The following KCNMA1 variants were observed in gnomAD, a reference collection of about 807,000 sequenced individuals.
KCNMA1 encodes potassium calcium-activated channel subfamily M alpha 1.
In KCNMA1, 29 loss-of-function variants were observed where a neutral mutation model predicts 140.0. The observed-to-expected ratio is 0.21, with a 90% CI of 0.15 to 0.28. The LOEUF is 0.28. KCNMA1 is among the 10% of genes least tolerant of loss of function. The pLI is 1.00. For missense variants in KCNMA1, 880 were observed against 1,602.2 expected, an observed-to-expected ratio of 0.55 and a Z score of 7.70; for synonymous variants, 612 against 611.9, an observed-to-expected ratio of 1.00 and a Z score of 0.00.
intron 1 of KCNMA1, among the ~76,000 whole-genome samples, chr10:77,461,849 T>G (rs919165301): frequency 1.3e-5 from 2 of 152,170 alleles, no homozygotes; most frequent in African/African-American, 4.8e-5. Context: ...CTCACAGATC[T>G]TCCCCAGGGG....
intron 2 of KCNMA1, among the ~76,000 whole-genome samples, chr10:77,293,699 C>G (rs2074072278): frequency 6.6e-6 from 1 of 152,246 alleles, no homozygotes; most frequent in South Asian, 2.1e-4. Flanking sequence ...CTCTGCTTTC[C>G]AGCTCTTTCT....
chr10:77,384,755 A>G (rs2095543277), intron 2 of KCNMA1, among the ~76,000 whole-genome samples: 1 of 152,238 alleles, frequency 6.6e-6, no homozygotes, highest in Admixed American at 6.5e-5. Flanking sequence ...TACCTGCCCA[A>G]GCTGACTTAC....
chr10:77,193,040 T>C (rs971757005), intron 3 of KCNMA1, among the ~76,000 whole-genome samples: 2 of 144,876 alleles, frequency 1.4e-5, no homozygotes, highest in African/African-American at 2.5e-5. Flanking sequence ...TTATTCTCCT[T>C]TTTTCCTAGT....
intron 2 of KCNMA1, among the ~76,000 whole-genome samples, chr10:77,378,118 CTGTG>C (rs1024578456): frequency 5.3e-5 from 8 of 152,202 alleles, no homozygotes; most frequent in African/African-American, 1.7e-4. Flanking sequence ...TGAAAATGCT[CTGTG>C]TGCTCATTCA....
chr10:77,404,889 T>A (rs1299663214), intron 1 of KCNMA1, among the ~76,000 whole-genome samples: 1 of 147,664 alleles, frequency 6.8e-6, no homozygotes, highest in African/African-American at 2.6e-5. Flanking sequence ...CAGGAAAGAA[T>A]AGGAAAAGTC....
chr10:77,290,300 T>G (rs1017333837), intron 2 of KCNMA1, among the ~76,000 whole-genome samples: 8 of 152,192 alleles, frequency 5.3e-5, no homozygotes, highest in Non-Finnish European at 1.2e-4. Context: ...TAAATGGAAA[T>G]AGTTGCAGTG....
rs533820297 is a variant in KCNMA1, at chr10:77,318,792, G to T, written c.541-67536C>A. On this transcript the variant is annotated intron_variant, in intron 2 of 27. Transcript: ENST00000286628. ...AGCACAGGTGAGAAGAGTTGAGGAA[G>T]GTTTTTGTATCCTACTCTGAGAGCA... Among the ~76,000 whole-genome samples the T allele has an allele frequency of 1.4e-4, 22 of 152,246 alleles. No individual in the cohort carries two copies. The South Asian group carries it at 4.6e-3, about 32-fold the overall frequency.
intron 1 of KCNMA1, among the ~76,000 whole-genome samples, chr10:77,425,227 G>T (rs138656625): frequency 6.6e-6 from 1 of 152,148 alleles, no homozygotes; most frequent in Non-Finnish European, 1.5e-5. Context: ...ACATTGCCCC[G>T]ATTTATTTAA....
At chr10:77,039,752 C>T (rs945447379) in intron 14 of KCNMA1, 115 bp from the exon 15 acceptor site, 10 of 721,750 alleles carry the variant, frequency 1.4e-5, no homozygotes, top group African/African-American at 8.7e-5. Flanking sequence ...TAATGGTGAC[C>T]TTTTCAGCAA....
At chr10:77,034,606 G>T (rs753057644) in intron 15 of KCNMA1, among the ~76,000 whole-genome samples, 1 of 152,210 alleles carries the variant, frequency 6.6e-6, no homozygotes, top group Non-Finnish European at 1.5e-5. Context: ...AGGGAAAAGA[G>T]AATCCCCCTG....
At chr10:77,602,362 A>G (rs2082929246) in intron 1 of KCNMA1, among the ~76,000 whole-genome samples, 2 of 152,186 alleles carry the variant, frequency 1.3e-5, no homozygotes, top group South Asian at 4.1e-4. Flanking sequence ...GCAAATCCGT[A>G]CAGACAGACA....
chr10:76,963,597 C>T (rs777353250), intron 20 of KCNMA1, among the ~76,000 whole-genome samples: 8 of 152,128 alleles, frequency 5.3e-5, no homozygotes, highest in Non-Finnish European at 1.2e-4. Context: ...GCCTCACATT[C>T]TGGGTGCCTA....
At chr10:77,557,336 A>C (rs1454173247) in intron 1 of KCNMA1, among the ~76,000 whole-genome samples, 1 of 152,214 alleles carries the variant, frequency 6.6e-6, no homozygotes, top group East Asian at 1.9e-4. Flanking sequence ...AGCTTCTCCT[A>C]TCCAGGGCGT....
At chr10:77,526,869 T>C (rs1325165884) in intron 1 of KCNMA1, among the ~76,000 whole-genome samples, 2 of 151,816 alleles carry the variant, frequency 1.3e-5, no homozygotes, top group Non-Finnish European at 2.9e-5. Context: ...ATCCTCCCTC[T>C]CCATATCTCC....
At chr10:77,192,007 T>C (rs997867946) in intron 3 of KCNMA1, among the ~76,000 whole-genome samples, 1 of 152,028 alleles carries the variant, frequency 6.6e-6, no homozygotes, top group Non-Finnish European at 1.5e-5. Context: ...TACCGGAAAG[T>C]AGTATAAAAA....
intron 20 of KCNMA1, among the ~76,000 whole-genome samples, chr10:76,956,122 C>T (rs542162338): frequency 6.6e-6 from 1 of 152,278 alleles, no homozygotes; most frequent in South Asian, 2.1e-4. Context: ...AGAGGAGATA[C>T]ATTTTGGTTT....
intron 2 of KCNMA1, among the ~76,000 whole-genome samples, chr10:77,262,176 T>A (rs1293963530): frequency 2.0e-5 from 3 of 152,206 alleles, no homozygotes; most frequent in East Asian, 1.9e-4. Flanking sequence ...CATGGACAGA[T>A]GAATGGATAA....
chr10:77,320,709 G>A (rs2082105724), intron 2 of KCNMA1, among the ~76,000 whole-genome samples: 1 of 152,056 alleles, frequency 6.6e-6, no homozygotes, highest in African/African-American at 2.4e-5. Flanking sequence ...AACTAAATAT[G>A]ATATGATGTA....
intron 23 of KCNMA1, among the ~76,000 whole-genome samples, chr10:76,929,076 T>G (rs1218528123): frequency 6.6e-6 from 1 of 152,170 alleles, no homozygotes; most frequent in Non-Finnish European, 1.5e-5. Flanking sequence ...TAAAAAAGTT[T>G]CAATATCTTA....
Sources: allele counts gnomAD v4.1 joint callset (sites outside exome capture counted in the v4.1 genomes callset), GRCh38; gene constraint gnomAD v4.1.1; transcripts MANE v1.5; gene names NCBI Gene and HGNC (gene_info 2026-07-23, HGNC 2026-07-21).